The following ENGASE variants were observed in gnomAD, a reference collection of about 807,000 sequenced individuals.
ENGASE encodes endo-beta-N-acetylglucosaminidase.
In ENGASE, 69 loss-of-function variants were observed where a neutral mutation model predicts 78.5. The observed-to-expected ratio is 0.88, with a 90% CI of 0.72 to 1.07. The LOEUF (loss-of-function observed/expected upper bound fraction) is 1.07. Ranked by LOEUF, ENGASE falls within the 50% of genes least tolerant of loss-of-function variation. The probability of loss-of-function intolerance (pLI) is 0.00; values close to 1 mark genes in which losing one functional copy is unlikely to be tolerated. For synonymous variants in ENGASE, 408 were observed against 408.9 expected, an observed-to-expected ratio of 1.00 and a Z score of 0.03; for missense variants, 943 against 988.4, an observed-to-expected ratio of 0.95 and a Z score of 0.62.
chr17:79,083,504 T>A lies in ENGASE; in HGVS notation c.1165T>A (p.Tyr389Asn), dbSNP rs1312027443. ...QDKFWGRLER[Y>N]LPTHSICSLP... ...CAGGTTCTGGGGCCGACTGGAGCGT[T>A]ATCTGCCCACACATAGCATCTGCTC... The change falls in exon 9 of 14, where the codon TAT (tyrosine) becomes AAT (asparagine). Residue 389 changes from tyrosine to asparagine, a missense_variant. Transcript: ENST00000579016. This position sits in a 1 kb window ranked among gnomAD's most constrained non-coding sequence, Gnocchi z 4.9. 2 of 1,614,162 alleles carry A rather than the reference T, an allele frequency of 1.2e-6. No homozygotes were observed. Among genetic ancestry groups the A allele is most frequent in the Admixed American group, 3.3e-5 (2 of 60,022 alleles).
intron 7 of ENGASE, 111 bp from the exon 8 acceptor site, chr17:79,082,909 C>T: frequency 6.4e-7 from 1 of 1,569,276 alleles, no homozygotes; most frequent in Non-Finnish European, 8.6e-7. Flanking sequence ...TGGACAGCTT[C>T]CCCCTCCCGT....
At chr17:79,080,800 C>A in intron 5 of ENGASE, 125 bp from the exon 6 acceptor site, 2 of 1,340,678 alleles carry the variant, frequency 1.5e-6, no homozygotes, top group Non-Finnish European at 2.0e-6. Context: ...GAGGGCCTTT[C>A]AGAACTGCAG....
chr17:79,081,834 G>A (rs937510281), intron 6 of ENGASE, 64 bp from the exon 7 acceptor site: 2 of 1,549,186 alleles, frequency 1.3e-6, no homozygotes, highest in Admixed American at 1.9e-5. Context: ...AGACTGCAGG[G>A]TTGGTGGGGG....
At chr17:79,077,316 A>G (rs1275385687) in intron 1 of ENGASE, 114 bp from the exon 2 acceptor site, 1 of 908,698 alleles carries the variant, frequency 1.1e-6, no homozygotes, top group East Asian at 2.7e-5. Context: ...AATATTAAAC[A>G]ACATAAGGCA....
intron 6 of ENGASE, 136 bp from the exon 7 acceptor site, chr17:79,081,761 TG>T: frequency 1.3e-6 from 1 of 781,500 alleles, no homozygotes; most frequent in African/African-American, 5.2e-5. Context: ...TGGGGTGGGG[TG>T]GGGTGGGGTG....
At chr17:79,076,401 C>T (rs185433004) in intron 1 of ENGASE, among the ~76,000 whole-genome samples, 1 of 152,132 alleles carries the variant, frequency 6.6e-6, no homozygotes, top group Non-Finnish European at 1.5e-5. Context: ...TCAGTCTCTA[C>T]TAAAAGTACA....
chr17:79,085,484 G>A, intron 12 of ENGASE, 136 bp from the exon 13 acceptor site: 3 of 1,369,156 alleles, frequency 2.2e-6, no homozygotes, highest in Admixed American at 2.2e-5. Flanking sequence ...CAGCTGCTGG[G>A]AGCCCTGCTG....
In ENGASE at chr17:79,086,342, C is replaced by T. The variant is rs1156917731; in HGVS notation, c.2225C>T (p.Pro742Leu). ...WGRAVLLYSAPA is the reference protein window; with the variant it reads ...WGRAVLLYSALA ...AGGGCAGTTCTGCTTTATTCAGCCCCTGCATGAGCGGATGCTAAGGCCGGG... is the reference window on the plus strand; with the variant it reads ...AGGGCAGTTCTGCTTTATTCAGCCCTTGCATGAGCGGATGCTAAGGCCGGG... The change falls in exon 14 of 14, where the codon CCT becomes CTT. Residue 742 changes from proline to leucine, a missense_variant. Transcript: ENST00000579016. 6.2e-7 allele frequency: 1 copy of T among 1,609,614 alleles called. No homozygotes were observed. Among genetic ancestry groups the T allele is most frequent in the East Asian group, 2.2e-5 (1 of 44,784 alleles).
At chr17:79,075,966 A>T (rs2072958476) in intron 1 of ENGASE, 1 of 917,530 alleles carries the variant, frequency 1.1e-6, no homozygotes, top group African/African-American at 1.8e-5. Flanking sequence ...TCAACGAGGA[A>T]GGGGGCTTTG....
chr17:79,079,777 A>ACAGGCAGC, intron 4 of ENGASE, 140 bp downstream of exon 4: 2 of 1,048,294 alleles, frequency 1.9e-6, no homozygotes, highest in Non-Finnish European at 2.7e-6. Flanking sequence ...GTCGGCTAGG[A>ACAGGCAGC]CAGGCAGCTG....
At chr17:79,085,849 A>T (rs962735986) in intron 13 of ENGASE, 84 bp from the exon 14 acceptor site, 4 of 1,585,320 alleles carry the variant, frequency 2.5e-6, no homozygotes, top group Non-Finnish European at 2.6e-6. Flanking sequence ...GGGGTGGAGG[A>T]GTCAGGGAGG....
Position 79,079,657 on chromosome 17 carries a change from C to T in ENGASE, c.565+20C>T, listed in dbSNP as rs368323172. On this transcript the variant is annotated intron_variant, in intron 4 of 13. Transcript: ENST00000579016. ...TGCTGGGTAAGAGCCAAGGACTCAC[C>T]TCTGTGTCAGCCAGACTCCTCAGCT... The T allele has an allele frequency of 3.1e-6, 5 of 1,607,982 alleles. No individual in the cohort carries two copies. Among genetic ancestry groups the T allele is most frequent in the Non-Finnish European group, 4.2e-6 (5 of 1,177,922 alleles).
rs770960453 is a variant in ENGASE, at chr17:79,079,618, G to A, written c.546G>A (p.Arg182=). ...TGGGCTGGACCAACACTGCCCACAG[G>A]CATGGGGTCTGCGTGCTGGGTAAGA... ...PPVGWTNTAH[R]HGVCVLGTFI... Residue 182 remains arginine, a synonymous_variant, in exon 4 of 14, where the codon AGG becomes AGA. Transcript: ENST00000579016. 24 of 1,613,532 alleles carry A rather than the reference G, an allele frequency of 1.5e-5. No individual in the cohort carries two copies. The South Asian group carries it at 2.4e-4, about 16-fold the overall frequency.
intron 5 of ENGASE, 34 bp from the exon 6 acceptor site, chr17:79,080,889 GCT>G (rs1395586058): frequency 2.5e-6 from 4 of 1,588,780 alleles, no homozygotes; most frequent in African/African-American, 2.7e-5. Flanking sequence ...TAGATCTGGG[GCT>G]CACTGAGGCT....
chr17:79,078,020 G>A (rs868299831), intron 3 of ENGASE, among the ~76,000 whole-genome samples, 156 bp downstream of exon 3: 6 of 152,160 alleles, frequency 3.9e-5, no homozygotes, highest in Admixed American at 3.3e-4. Context: ...CGAGAAGAAG[G>A]CAGGCCCCAG....
intron 13 of ENGASE, 49 bp downstream of exon 13, chr17:79,085,783 G>T (rs1408825584): frequency 1.2e-6 from 2 of 1,605,902 alleles, no homozygotes; most frequent in Admixed American, 3.4e-5. Flanking sequence ...TTGTCCAGCT[G>T]GAGTGGGGGT....
chr17:79,075,659 C>A, intron 1 of ENGASE: 3 of 984,164 alleles, frequency 3.0e-6, no homozygotes, highest in Non-Finnish European at 3.6e-6. Flanking sequence ...GGCACTTGCC[C>A]ACCCGGTAAA....
At chr17:79,079,781 G>A in intron 4 of ENGASE, 144 bp downstream of exon 4, 4 of 965,834 alleles carry the variant, frequency 4.1e-6, no homozygotes, top group African/African-American at 3.4e-5. Context: ...GCTAGGACAG[G>A]CAGCTGCAGG....
rs577077620 is a variant in ENGASE at position 79,077,684 on chromosome 17, C to T, written c.236C>T (p.Thr79Ile). 5 of 1,614,226 alleles carry T rather than the reference C, an allele frequency of 3.1e-6. No homozygotes were observed. In the African/African-American group the frequency reaches 6.7e-5, roughly 22 times the overall value. ...PLPVRYYDKD[T>I]TKPISFYLSS... The stretch of plus-strand genomic sequence containing the variant: ...CCAGTTAGATATTATGACAAGGACA[C>T]CACCAAACCAATCAGCTTTTACTTG... Residue 79 changes from threonine (T) to isoleucine (I), a missense_variant, in exon 3 of 14, where the codon ACC becomes ATC. By Grantham distance (89) the Thr-to-Ile change is moderately conservative. Transcript: ENST00000579016.
Sources: allele counts gnomAD v4.1 joint callset (sites outside exome capture counted in the v4.1 genomes callset), GRCh38; gene constraint gnomAD v4.1.1; non-coding constraint Gnocchi (gnomAD v3.1); transcripts MANE v1.5; gene names NCBI Gene and HGNC (gene_info 2026-07-23, HGNC 2026-07-21).